The following BMPER variants were observed in gnomAD, a reference collection of about 807,000 sequenced individuals.
BMPER encodes the protein BMP binding endothelial regulator.
Under a neutral mutation model 87.3 loss-of-function variants are expected in BMPER, and 45 were observed. The ratio of observed to expected loss-of-function variants is 0.52; its 90% CI spans 0.41 to 0.66. The LOEUF is 0.66. BMPER is among the 30% of genes least tolerant of loss of function. The probability of loss-of-function intolerance (pLI) is 0.00; values close to 1 mark genes in which losing one functional copy is unlikely to be tolerated. For missense variants in BMPER, 784 were observed against 867.5 expected (o/e 0.90, Z 1.21); for synonymous variants, 326 against 316.2 (o/e 1.03, Z -0.33).
intron 2 of BMPER, among the ~76,000 whole-genome samples, chr7:33,930,366 G>A (rs1053789801): frequency 1.3e-5 from 2 of 152,112 alleles, no homozygotes; most frequent in Non-Finnish European, 2.9e-5. Flanking sequence ...TGAAGAATGA[G>A]CAAGCAAAAG....
intron 13 of BMPER, among the ~76,000 whole-genome samples, chr7:34,119,172 T>C (rs1790199192): frequency 6.6e-6 from 1 of 152,154 alleles, no homozygotes; most frequent in Admixed American, 6.5e-5. Flanking sequence ...CTAGGACTAC[T>C]GAGAGTGAAA....
At chr7:34,093,198 G>A (rs1311400517) in intron 13 of BMPER, among the ~76,000 whole-genome samples, 1 of 152,196 alleles carries the variant, frequency 6.6e-6, no homozygotes, top group Non-Finnish European at 1.5e-5. Flanking sequence ...TAAACATAGA[G>A]CTTCTGCTGT....
At chr7:33,905,829 T>TGGGTTG in intron 1 of BMPER, 83 bp downstream of exon 1, 1 of 368,072 alleles carries the variant, frequency 2.7e-6, no homozygotes, top group Non-Finnish European at 5.4e-6. Context: ...GCCCCGGGGA[T>TGGGTTG]GGGAGGGTGG....
chr7:34,080,524 T>C (rs1371854919), intron 12 of BMPER, among the ~76,000 whole-genome samples: 1 of 152,234 alleles, frequency 6.6e-6, no homozygotes, highest in African/African-American at 2.4e-5. Flanking sequence ...CATTCAAGTT[T>C]AGCGGGATTA....
intron 6 of BMPER, among the ~76,000 whole-genome samples, chr7:34,026,319 A>G (rs1438578971): frequency 6.6e-6 from 1 of 152,116 alleles, no homozygotes; most frequent in Non-Finnish European, 1.5e-5. Flanking sequence ...TTCAACTATC[A>G]TCATTGTCAT....
intron 9 of BMPER, among the ~76,000 whole-genome samples, chr7:34,056,401 A>T (rs1788285197): frequency 6.6e-6 from 1 of 152,202 alleles, no homozygotes; most frequent in Admixed American, 6.5e-5. Flanking sequence ...TAAAAATAAA[A>T]TAAAAAAAAT....
At chr7:34,039,658 T>G (rs1397350332) in intron 6 of BMPER, among the ~76,000 whole-genome samples, 1 of 151,504 alleles carries the variant, frequency 6.6e-6, no homozygotes, top group Admixed American at 6.6e-5. Context: ...ACCACTGTGG[T>G]GTATACATGC....
At chr7:34,015,059 T>C (rs965233171) in intron 6 of BMPER, among the ~76,000 whole-genome samples, 6 of 152,102 alleles carry the variant, frequency 3.9e-5, no homozygotes, top group Non-Finnish European at 8.8e-5. Context: ...TTCATGCTTC[T>C]TATGTCATGA....
At chr7:33,929,091 G>A (rs1326360539) in intron 2 of BMPER, among the ~76,000 whole-genome samples, 1 of 152,096 alleles carries the variant, frequency 6.6e-6, no homozygotes, top group Non-Finnish European at 1.5e-5. Flanking sequence ...TAAATGTTCG[G>A]GCTTCAAGGG....
chr7:34,024,377 A>T (rs1281295925), intron 6 of BMPER, among the ~76,000 whole-genome samples: 1 of 90,888 alleles, frequency 1.1e-5, no homozygotes, highest in African/African-American at 5.7e-5. Flanking sequence ...AAAAAAAAAA[A>T]AAAAACAATA....
At chr7:34,044,967 G>T (rs1787921934) in intron 6 of BMPER, among the ~76,000 whole-genome samples, 1 of 152,144 alleles carries the variant, frequency 6.6e-6, no homozygotes. Flanking sequence ...CTCTGCTATG[G>T]CCAGAAAGGA....
chr7:34,086,200 C>T, intron 13 of BMPER, 108 bp downstream of exon 13: 6 of 1,287,834 alleles, frequency 4.7e-6, no homozygotes, highest in Non-Finnish European at 6.5e-6. Flanking sequence ...AGGCTCAAAA[C>T]CCAGGGTAGG....
chr7:33,905,627 C>G lies in BMPER; in HGVS notation c.14C>G (p.Ser5Cys). Residue 5 changes from serine to cysteine, a missense_variant, in exon 1 of 15, where the codon TCC becomes TGC. By Grantham distance (112) the Ser-to-Cys change is moderately radical. Transcript: ENST00000649409. MLWF[S>C]GVGALAERYC... ...CTCCAGGTGACGATGCTCTGGTTCTCCGGCGTCGGGGCTCTGGCTGAGCGT... is the reference window on the plus strand; with the variant it reads ...CTCCAGGTGACGATGCTCTGGTTCTGCGGCGTCGGGGCTCTGGCTGAGCGT... The G allele has an allele frequency of 3.1e-6, 5 of 1,612,954 alleles. No homozygotes were observed. Among genetic ancestry groups the G allele is most frequent in the Non-Finnish European group, 4.2e-6 (5 of 1,179,916 alleles).
intron 2 of BMPER, among the ~76,000 whole-genome samples, chr7:33,915,827 G>T (rs1362613800): frequency 1.3e-5 from 2 of 152,210 alleles, no homozygotes; most frequent in Admixed American, 1.3e-4. Context: ...CTACTTCAGT[G>T]AATATATTCT....
chr7:33,970,483 C>T, intron 5 of BMPER, 64 bp downstream of exon 5: 1 of 1,510,368 alleles, frequency 6.6e-7, no homozygotes, highest in Non-Finnish European at 9.2e-7. Context: ...GCATGAATCT[C>T]CCAACCCCTC....
chr7:34,022,851 ATGC>A (rs1787233253), intron 6 of BMPER, among the ~76,000 whole-genome samples: 1 of 151,952 alleles, frequency 6.6e-6, no homozygotes, highest in Non-Finnish European at 1.5e-5. Flanking sequence ...CTCCAGGGTG[ATGC>A]TATGACGGAT....
At chr7:34,006,161 T>C (rs780189363) in intron 6 of BMPER, among the ~76,000 whole-genome samples, 1 of 152,036 alleles carries the variant, frequency 6.6e-6, no homozygotes, top group Non-Finnish European at 1.5e-5. Context: ...AATAAACTGC[T>C]CTAACAGCTA....
In BMPER at chr7:33,944,533, A is replaced by C. The variant is rs534039930; in HGVS notation, c.319+7145A>C. Among the ~76,000 whole-genome samples, 17 of 152,286 alleles carry C rather than the reference A, an allele frequency of 1.1e-4. No individual in the cohort carries two copies. In the South Asian group the frequency reaches 3.1e-3, roughly 28 times the overall value. On this transcript the variant is annotated intron_variant, in intron 3 of 14. Coordinates refer to ENST00000649409, the MANE Select transcript of BMPER (RefSeq NM_001365308.1). Reference sequence around the variant, plus strand: ...ATCATAAAACATATTCTGCGTTAGAAACCTTTGAAATAGCTCAGAAATTAT... The same window carrying C: ...ATCATAAAACATATTCTGCGTTAGACACCTTTGAAATAGCTCAGAAATTAT...
chr7:34,008,064 C>A, intron 6 of BMPER, among the ~76,000 whole-genome samples: 1 of 151,856 alleles, frequency 6.6e-6, no homozygotes, highest in South Asian at 2.1e-4. Context: ...AGTTTAATAT[C>A]TTTTTATGTA....
Sources: gnomAD v4.1 joint callset for allele counts (sites outside exome capture counted in the v4.1 genomes callset) on GRCh38, gnomAD v4.1.1 for gene constraint, MANE v1.5 for transcripts, NCBI Gene and HGNC (gene_info 2026-07-23, HGNC 2026-07-21) for gene names.